Variants in EPHA3 observed in about 807,000 individuals in gnomAD.
EPHA3 encodes EPH receptor A3.
EPHA3 carries 42 observed loss-of-function variants against 107.1 expected under a neutral mutation model. The ratio of observed to expected loss-of-function variants is 0.39; its 90% CI spans 0.31 to 0.51. The LOEUF (loss-of-function observed/expected upper bound fraction) is 0.51, where lower values mean the gene tolerates loss of function less well. Ranked by LOEUF, EPHA3 falls within the 20% of genes least tolerant of loss-of-function variation. The pLI, the probability that EPHA3 is intolerant of heterozygous loss-of-function variation, is 0.78. For synonymous variants in EPHA3, 461 were observed against 424.8 expected (o/e 1.09, Z -1.05); for missense variants, 1,183 against 1,211.2 (o/e 0.98, Z 0.35).
chr3:89,209,454 T>G (rs1319183244), intron 2 of EPHA3, among the ~76,000 whole-genome samples: 1 of 152,142 alleles, frequency 6.6e-6, no homozygotes, highest in South Asian at 2.1e-4. Context: ...CTGGCACAAA[T>G]TGGGAAAAGA....
chr3:89,387,902 C>A (rs1708654549), intron 5 of EPHA3, among the ~76,000 whole-genome samples: 1 of 151,964 alleles, frequency 6.6e-6, no homozygotes, highest in South Asian at 2.1e-4. Context: ...TACTTTAGAT[C>A]TTTAAAATTC....
chr3:89,200,117 A>G (rs1180797541), intron 2 of EPHA3, among the ~76,000 whole-genome samples: 1 of 152,238 alleles, frequency 6.6e-6, no homozygotes, highest in Non-Finnish European at 1.5e-5. Context: ...TATCTGTGTT[A>G]TAACTGCATT....
chr3:89,141,178 T>G (rs868211457), intron 2 of EPHA3, among the ~76,000 whole-genome samples: 24 of 151,542 alleles, frequency 1.6e-4, no homozygotes, highest in African/African-American at 5.3e-4. Flanking sequence ...AATCTTAAAG[T>G]TTAGTGGAAA....
Position 89,449,382 on chromosome 3 carries a change from T to C in EPHA3, c.2496+8T>C, listed in dbSNP as rs762042362. The C allele has an allele frequency of 6.3e-7, 1 of 1,580,442 alleles. No homozygotes were observed. Among genetic ancestry groups the C allele is most frequent in the Non-Finnish European group, 8.6e-7 (1 of 1,157,716 alleles). ...GAGATGTCCAATCAGGATGTAAGTA[T>C]TTGTGGTCTATGAGTTATGAGTTCA... On this transcript the variant is annotated splice_region_variant and intron_variant, in intron 14 of 16. Transcript: ENST00000336596.
Position 89,449,274 on chromosome 3 carries a change from G to T in EPHA3, c.2396G>T (p.Arg799Leu). The T allele has an allele frequency of 6.2e-7, 1 of 1,611,744 alleles. No individual in the cohort carries two copies. The highest frequency in any genetic ancestry group is 8.5e-7 in the Non-Finnish European group (1 of 1,178,480). The change falls in exon 14 of 17, where the codon CGC (arginine) becomes CTC (leucine). Residue 799 changes from arginine (R) to leucine (L), a missense_variant. Arg to Leu is a moderately radical substitution (Grantham distance 102, BLOSUM62 -2). Transcript: ENST00000336596. Reference protein sequence around the residue: ...RWTSPEAIAYRKFTSASDVWS... With the variant: ...RWTSPEAIAYLKFTSASDVWS... ...ACATCACCAGAAGCTATAGCCTACC[G>T]CAAGTTCACGTCAGCCAGCGATGTA... is the stretch of plus-strand genomic sequence containing the variant.
At chr3:89,427,435 G>T (rs901544329) in intron 11 of EPHA3, among the ~76,000 whole-genome samples, 3 of 151,806 alleles carry the variant, frequency 2.0e-5, no homozygotes, top group African/African-American at 7.2e-5. Context: ...CACATAGGAG[G>T]AAAAGTTGTG....
Position 89,273,677 on chromosome 3 carries a change from C to T in EPHA3, c.814+63157C>T, listed in dbSNP as rs550510591. 4.6e-5 allele frequency among the ~76,000 whole-genome samples: 7 copies of T among 151,900 alleles called. 1 individual carries two copies. Among genetic ancestry groups the T allele is most frequent in the African/African-American group, 1.7e-4 (7 of 41,476 alleles). The stretch of plus-strand genomic sequence containing the variant: ...ATACAAGTTTAGCTTCCTGAGGGCA[C>T]CTGGTTACAACATTGTCATCAAATG... On this transcript the variant is annotated intron_variant, in intron 3 of 16. Transcript: ENST00000336596.
At chr3:89,263,637 T>C (rs751796711) in intron 3 of EPHA3, among the ~76,000 whole-genome samples, 9 of 152,098 alleles carry the variant, frequency 5.9e-5, no homozygotes, top group Non-Finnish European at 1.2e-4. Context: ...GTCAATCTGC[T>C]TCTCTCTGAA....
rs1705185791 is a variant in EPHA3 at position 89,252,464 on chromosome 3, A to G, written c.814+41944A>G. Among the ~76,000 whole-genome samples the G allele has an allele frequency of 3.9e-5, 6 of 152,194 alleles. No homozygotes were observed. The South Asian group carries it at 1.2e-3, about 31-fold the overall frequency. On this transcript the variant is annotated intron_variant, in intron 3 of 16. Coordinates refer to ENST00000336596, the MANE Select transcript of EPHA3 (RefSeq NM_005233.6). ...TTTAAGAAACTATTTGGGGCCAGAT[A>G]CAGTGGCTCATGCCTGTAATCCCAA... is the stretch of plus-strand genomic sequence containing the variant.
chr3:89,422,600 A>G (rs1430063054), intron 11 of EPHA3, among the ~76,000 whole-genome samples: 1 of 151,480 alleles, frequency 6.6e-6, no homozygotes, highest in Non-Finnish European at 1.5e-5. Flanking sequence ...AAATGAGATT[A>G]CATAAGAATA....
rs564804332 is a variant in EPHA3, at chr3:89,364,317, T to C, written c.1306+22227T>C. 2.0e-5 allele frequency among the ~76,000 whole-genome samples: 3 copies of C among 150,968 alleles called. No individual in the cohort carries two copies. In the South Asian group the frequency reaches 6.3e-4, roughly 32 times the overall value. ...TTGCTTAAAATATCATTCAGAGGCC[T>C]TTCAGAACACCAGTATTTACCTACT... is the stretch of plus-strand genomic sequence containing the variant. On this transcript the variant is annotated intron_variant, in intron 5 of 16. Coordinates refer to ENST00000336596, the MANE Select transcript of EPHA3 (RefSeq NM_005233.6).
intron 2 of EPHA3, among the ~76,000 whole-genome samples, chr3:89,204,017 T>A (rs1410261223): frequency 6.6e-6 from 1 of 152,126 alleles, no homozygotes; most frequent in Non-Finnish European, 1.5e-5. Context: ...ATAGCCTGTA[T>A]CTTGTTAAAA....
intron 15 of EPHA3, among the ~76,000 whole-genome samples, chr3:89,459,759 G>A (rs528920343): frequency 1.5e-4 from 23 of 152,266 alleles, no homozygotes; most frequent in African/African-American, 5.5e-4. Context: ...CTGACCTCAG[G>A]TGATCCACTT....
At chr3:89,443,108 A>G (rs1709815386) in intron 13 of EPHA3, among the ~76,000 whole-genome samples, 1 of 152,190 alleles carries the variant, frequency 6.6e-6, no homozygotes, top group Non-Finnish European at 1.5e-5. Flanking sequence ...TTAACATTTT[A>G]CTTAGCCTCA....
intron 3 of EPHA3, among the ~76,000 whole-genome samples, chr3:89,241,651 A>T (rs1576258014): frequency 6.6e-6 from 1 of 152,076 alleles, no homozygotes; most frequent in South Asian, 2.1e-4. Context: ...TATTTTCTCC[A>T]TTTTAAAAAT....
Position 89,358,584 on chromosome 3 carries a change from G to A in EPHA3, c.1306+16494G>A, listed in dbSNP as rs1478772077. 2.6e-5 allele frequency among the ~76,000 whole-genome samples: 4 copies of A among 151,088 alleles called. 2 individuals carry two copies. Among genetic ancestry groups the A allele is most frequent in the Non-Finnish European group, 5.9e-5 (4 of 67,506 alleles). ...ATACAGCATGAAGTTGATTGGTTTG[G>A]CCAAGAAAAGACAGGCAAAGCCAGC... On this transcript the variant is annotated intron_variant, in intron 5 of 16. Coordinates refer to ENST00000336596, the MANE Select transcript of EPHA3 (RefSeq NM_005233.6).
At chr3:89,426,096 A>G (rs1709450367) in intron 11 of EPHA3, among the ~76,000 whole-genome samples, 1 of 151,728 alleles carries the variant, frequency 6.6e-6, no homozygotes, top group Non-Finnish European at 1.5e-5. Flanking sequence ...TGAGTTTAGT[A>G]TGTATACCCA....
intron 3 of EPHA3, among the ~76,000 whole-genome samples, chr3:89,305,459 A>C (rs1706593768): frequency 6.6e-6 from 1 of 152,164 alleles, no homozygotes. Context: ...TCCACCTGTA[A>C]GGTAGAAGAA....
At chr3:89,370,853 G>A (rs1708286554) in intron 5 of EPHA3, among the ~76,000 whole-genome samples, 1 of 151,536 alleles carries the variant, frequency 6.6e-6, no homozygotes, top group Non-Finnish European at 1.5e-5. Context: ...GAAGTGAATT[G>A]GGCAAAGTGT....
Sources: allele counts gnomAD v4.1 joint callset (sites outside exome capture counted in the v4.1 genomes callset), GRCh38; gene constraint gnomAD v4.1.1; transcripts MANE v1.5; gene names NCBI Gene and HGNC (gene_info 2026-07-23, HGNC 2026-07-21).